Variants in CTNND2 observed in about 807,000 individuals in gnomAD.
The protein encoded by CTNND2 is catenin delta 2, also known as catenin delta-2.
A neutral mutation model predicts 144.4 loss-of-function variants in CTNND2; 22 were observed. The ratio of observed to expected loss-of-function variants is 0.15; its 90% CI spans 0.11 to 0.22. CTNND2 has a LOEUF of 0.22. CTNND2 is among the 10% of genes least tolerant of loss of function. The pLI, the probability that CTNND2 is intolerant of heterozygous loss-of-function variation, is 1.00. For missense variants in CTNND2, 1,353 were observed against 1,618.8 expected (o/e 0.84, Z 2.82); for synonymous variants, 751 against 695.6 (o/e 1.08, Z -1.25).
At chr5:11,643,399 C>T (rs1190014282) in intron 2 of CTNND2, among the ~76,000 whole-genome samples, 2 of 121,876 alleles carry the variant, frequency 1.6e-5, no homozygotes, top group African/African-American at 3.2e-5. Flanking sequence ...CCCCACCCCA[C>T]AACAGTTCCC....
intron 18 of CTNND2, among the ~76,000 whole-genome samples, chr5:11,001,844 T>A (rs1739994923): frequency 6.7e-6 from 1 of 148,150 alleles, no homozygotes; most frequent in East Asian, 1.9e-4. Flanking sequence ...TGACCATGTT[T>A]CAGTGTGAGT....
intron 2 of CTNND2, among the ~76,000 whole-genome samples, chr5:11,641,153 A>G: frequency 6.6e-6 from 1 of 152,228 alleles, no homozygotes; most frequent in South Asian, 2.1e-4. Flanking sequence ...ACTTTTTATT[A>G]TTACATGTGA....
intron 15 of CTNND2, among the ~76,000 whole-genome samples, chr5:11,093,491 T>G (rs557455555): frequency 2.6e-5 from 4 of 152,284 alleles, no homozygotes; most frequent in African/African-American, 7.2e-5. Flanking sequence ...AACCAAGTAA[T>G]GAGTGTTTTA....
Position 11,370,316 on chromosome 5 carries a change from G to A in CTNND2, c.1178-5426C>T, listed in dbSNP as rs1757350816. ...TACAACCCCCAAGAGATTCTGATTA[G>A]GTCAGCCAAGTGGGATGCATCAATG... On this transcript the variant is annotated intron_variant, in intron 7 of 21. Coordinates refer to ENST00000304623, the MANE Select transcript of CTNND2 (RefSeq NM_001332.4). Among the ~76,000 whole-genome samples, 6 of 152,024 alleles carry A rather than the reference G, an allele frequency of 3.9e-5. 1 individual carries two copies. The South Asian group carries it at 1.2e-3, about 32-fold the overall frequency.
chr5:11,390,041 A>G (rs1759499485), intron 6 of CTNND2, among the ~76,000 whole-genome samples: 1 of 152,240 alleles, frequency 6.6e-6, no homozygotes, highest in African/African-American at 2.4e-5. Context: ...TCTGAAATCC[A>G]AAACACTTCT....
chr5:11,623,918 A>C (rs1781016650), intron 2 of CTNND2, among the ~76,000 whole-genome samples: 1 of 148,240 alleles, frequency 6.7e-6, no homozygotes, highest in African/African-American at 2.5e-5. Context: ...AGAAACTTGG[A>C]TAACCACACA....
intron 2 of CTNND2, among the ~76,000 whole-genome samples, chr5:11,572,778 T>C (rs1777668051): frequency 6.6e-6 from 1 of 152,134 alleles, no homozygotes; most frequent in South Asian, 2.1e-4. Flanking sequence ...GATGCACAAA[T>C]GCCACCACGA....
At chr5:11,701,171 A>G (rs1785414857) in intron 2 of CTNND2, among the ~76,000 whole-genome samples, 1 of 152,158 alleles carries the variant, frequency 6.6e-6, no homozygotes, top group South Asian at 2.1e-4. Context: ...TCTCCTCTTT[A>G]CTTGAGGACA....
chr5:11,047,079 G>C (rs537636355), intron 16 of CTNND2, among the ~76,000 whole-genome samples: 3 of 152,314 alleles, frequency 2.0e-5, no homozygotes, highest in Admixed American at 2.0e-4. Context: ...TGAATTTCCG[G>C]AGGGTTAATG....
chr5:11,773,053 A>C lies in CTNND2; in HGVS notation c.38-40781T>G, dbSNP rs148997684. 2.7e-3 allele frequency among the ~76,000 whole-genome samples: 416 copies of C among 152,328 alleles called. 4 individuals carry two copies. Among genetic ancestry groups the C allele is most frequent in the South Asian group, 0.012 (58 of 4,824 alleles). On this transcript the variant is annotated intron_variant, in intron 1 of 21. Coordinates refer to ENST00000304623, the MANE Select transcript of CTNND2 (RefSeq NM_001332.4). Reference sequence around the variant, plus strand: ...AGCTGGAATGTCGATATCACAAAAGAAGCTCTTGTGCTGAACAGTTACTGT... The same window carrying C: ...AGCTGGAATGTCGATATCACAAAAGCAGCTCTTGTGCTGAACAGTTACTGT...
intron 18 of CTNND2, among the ~76,000 whole-genome samples, chr5:10,997,806 G>A (rs979273426): frequency 3.3e-5 from 5 of 152,070 alleles, no homozygotes; most frequent in Non-Finnish European, 7.3e-5. Flanking sequence ...ATTCTGTGTG[G>A]TATTAAAGGT....
At chr5:11,408,431 G>A (rs369869438) in intron 5 of CTNND2, among the ~76,000 whole-genome samples, 1 of 152,072 alleles carries the variant, frequency 6.6e-6, no homozygotes, top group South Asian at 2.1e-4. Context: ...AAGGGCAAAT[G>A]GTTCTTAAGA....
At chr5:11,219,882 T>A (rs946021827) in intron 10 of CTNND2, among the ~76,000 whole-genome samples, 1 of 152,162 alleles carries the variant, frequency 6.6e-6, no homozygotes, top group Non-Finnish European at 1.5e-5. Flanking sequence ...GTGGTCCAAT[T>A]TCAGTATCTC....
chr5:11,902,404 C>T (rs1441164268), intron 1 of CTNND2, among the ~76,000 whole-genome samples: 1 of 152,172 alleles, frequency 6.6e-6, no homozygotes, highest in South Asian at 2.1e-4. Context: ...TCACAGCAAA[C>T]ACTTCTCCAT....
chr5:11,220,969 A>C (rs1208007116), intron 10 of CTNND2, among the ~76,000 whole-genome samples: 1 of 152,246 alleles, frequency 6.6e-6, no homozygotes, highest in Admixed American at 6.5e-5. Flanking sequence ...ATGCCAACTC[A>C]GTGTTCTACT....
At chr5:11,107,604 T>G (rs534741612) in intron 14 of CTNND2, among the ~76,000 whole-genome samples, 2 of 152,264 alleles carry the variant, frequency 1.3e-5, no homozygotes, top group African/African-American at 2.4e-5. Flanking sequence ...TCTCCAGGGA[T>G]ACTTTTTGAC....
chr5:11,309,079 A>T (rs1041017708), intron 9 of CTNND2, among the ~76,000 whole-genome samples: 5 of 152,206 alleles, frequency 3.3e-5, no homozygotes, highest in Non-Finnish European at 7.3e-5. Flanking sequence ...GTCTTCCAAC[A>T]TTGGGGATTC....
chr5:11,573,364 T>C (rs1777728657), intron 2 of CTNND2, among the ~76,000 whole-genome samples: 1 of 152,126 alleles, frequency 6.6e-6, no homozygotes, highest in Non-Finnish European at 1.5e-5. Flanking sequence ...TGGGTGATCT[T>C]TTTTCTTACA....
At chr5:11,656,575 C>A (rs1266750707) in intron 2 of CTNND2, among the ~76,000 whole-genome samples, 1 of 152,070 alleles carries the variant, frequency 6.6e-6, no homozygotes, top group Non-Finnish European at 1.5e-5. Context: ...ACCAATGACC[C>A]CACCACCCAC....
Sources: gnomAD v4.1 joint callset for allele counts (sites outside exome capture counted in the v4.1 genomes callset) on GRCh38, gnomAD v4.1.1 for gene constraint, MANE v1.5 for transcripts, NCBI Gene and HGNC (gene_info 2026-07-23, HGNC 2026-07-21) for gene names.